The following PRUNE2 variants were observed in gnomAD, a reference collection of about 807,000 sequenced individuals.
The protein encoded by PRUNE2 is prune homolog 2 with BCH domain, also known as protein prune homolog 2.
PRUNE2 carries 164 observed loss-of-function variants against 252.0 expected under a neutral mutation model. That is an observed-to-expected ratio of 0.65 (90% confidence interval 0.57 to 0.74). The LOEUF (loss-of-function observed/expected upper bound fraction) is 0.74. Ranked by LOEUF, PRUNE2 falls within the 30% of genes least tolerant of loss-of-function variation. PRUNE2 has a pLI of 0.00. For missense variants in PRUNE2, 3,495 were observed against 3,711.0 expected (o/e 0.94, Z 1.51); for synonymous variants, 1,292 against 1,350.2 (o/e 0.96, Z 0.94).
intron 9 of PRUNE2, among the ~76,000 whole-genome samples, chr9:76,671,003 C>G (rs920573988): frequency 4.5e-4 from 68 of 152,224 alleles, no homozygotes; most frequent in Non-Finnish European, 8.2e-4. Flanking sequence ...CGCCTCTCCT[C>G]CTCCAAAGGA....
chr9:76,898,006 A>G (rs1214896205), intron 1 of PRUNE2, among the ~76,000 whole-genome samples: 1 of 152,164 alleles, frequency 6.6e-6, no homozygotes, highest in African/African-American at 2.4e-5. Flanking sequence ...CACATGCAGC[A>G]GCCCTGTGAG....
intron 9 of PRUNE2, among the ~76,000 whole-genome samples, chr9:76,656,558 G>A (rs1359256069): frequency 6.6e-6 from 1 of 152,076 alleles, no homozygotes; most frequent in Non-Finnish European, 1.5e-5. Context: ...TGTCAATAAA[G>A]CACTATGATG....
chr9:76,730,640 G>T (rs948062942), intron 6 of PRUNE2, among the ~76,000 whole-genome samples: 1 of 152,194 alleles, frequency 6.6e-6, no homozygotes, highest in Non-Finnish European at 1.5e-5. Flanking sequence ...GGTGGCTCAC[G>T]CCTGTAATCC....
chr9:76,660,557 G>A (rs1850906719), intron 9 of PRUNE2, among the ~76,000 whole-genome samples: 1 of 152,030 alleles, frequency 6.6e-6, no homozygotes, highest in Non-Finnish European at 1.5e-5. Context: ...GCCGAGGCAG[G>A]TGGATCATGA....
At chr9:76,617,104 A>C (rs1830100138) in intron 18 of PRUNE2, among the ~76,000 whole-genome samples, 1 of 152,212 alleles carries the variant, frequency 6.6e-6, no homozygotes, top group African/African-American at 2.4e-5. Flanking sequence ...CCTGAGACAG[A>C]GCAACCTTCT....
rs776802955 is a variant in PRUNE2, at chr9:76,709,716, G to A, written c.2558C>T (p.Pro853Leu). ...FSSSELLDNS[P>L]SEINNEAAPE... is the part of the protein sequence containing the mutation. ...AGCTGCTTCATTGTTTATCTCACTG[G>A]GTGAATTGTCCAGTAGTTCTGAAGA... The change falls in exon 8 of 19, where the codon CCC becomes CTC. Residue 853 changes from proline (P) to leucine (L), a missense_variant. Physicochemically the swap from Pro to Leu is moderately conservative, Grantham distance 98 (BLOSUM62 -3). Coordinates refer to ENST00000376718, the MANE Select transcript of PRUNE2 (RefSeq NM_015225.3). 3 of 1,613,878 alleles carry A rather than the reference G, an allele frequency of 1.9e-6. No homozygotes were observed. Among genetic ancestry groups the A allele is most frequent in the Admixed American group, 1.7e-5 (1 of 60,026 alleles).
At chr9:76,744,639 T>C (rs2049943826) in intron 6 of PRUNE2, among the ~76,000 whole-genome samples, 1 of 152,172 alleles carries the variant, frequency 6.6e-6, no homozygotes, top group Admixed American at 6.5e-5. Context: ...CTTGCTGAGT[T>C]CCCACATGTT....
intron 1 of PRUNE2, chr9:76,857,205 C>A: frequency 2.2e-6 from 1 of 451,022 alleles, no homozygotes; most frequent in Non-Finnish European, 4.5e-6. Flanking sequence ...TCAGCACTCT[C>A]TTTCCCCCTC....
intron 13 of PRUNE2, 43 bp from the exon 14 acceptor site, chr9:76,637,592 C>A (rs759673533): frequency 6.4e-7 from 1 of 1,566,766 alleles, no homozygotes; most frequent in Non-Finnish European, 8.7e-7. Context: ...TTCCCACATC[C>A]TATTGACACC....
At chr9:76,702,412 A>T (rs1222187072) in intron 9 of PRUNE2, among the ~76,000 whole-genome samples, 1 of 152,148 alleles carries the variant, frequency 6.6e-6, no homozygotes, top group Admixed American at 6.5e-5. Context: ...CCCGTTACTT[A>T]AGTTACTTTT....
intron 6 of PRUNE2, among the ~76,000 whole-genome samples, chr9:76,715,587 T>G (rs534602039): frequency 6.6e-6 from 1 of 152,390 alleles, no homozygotes; most frequent in South Asian, 2.1e-4. Flanking sequence ...ATAAGTCATA[T>G]GCGTTTGGAA....
chr9:76,685,700 C>G (rs1244295126), intron 9 of PRUNE2, among the ~76,000 whole-genome samples: 1 of 152,114 alleles, frequency 6.6e-6, no homozygotes, highest in African/African-American at 2.4e-5. Context: ...CTAGCAATAC[C>G]TTGATCTCAG....
chr9:76,740,371 C>T (rs545034633), intron 6 of PRUNE2: 82 of 149,406 alleles, frequency 5.5e-4, no homozygotes, highest in African/African-American at 2.0e-3. Context: ...ATGGCGTGAA[C>T]CCGGGAGGTG....
Position 76,705,369 on chromosome 9 carries a change from C to G in PRUNE2, c.6905G>C (p.Ser2302Thr), listed in dbSNP as rs760068452. Residue 2302 changes from serine (S) to threonine (T), a missense_variant, in exon 8 of 19, where the codon AGT becomes ACT. Coordinates refer to ENST00000376718, the MANE Select transcript of PRUNE2 (RefSeq NM_015225.3). ...GTTGAGACCTGAGGCATCGCTGAAA[C>G]TGTGGTCAAAGGCAGCTTCGCTTAT... Reference protein sequence around the residue: ...LDISEAAFDHSFSDASGLNTS... With the variant: ...LDISEAAFDHTFSDASGLNTS... 6.2e-7 allele frequency: 1 copy of G among 1,614,026 alleles called. No individual in the cohort carries two copies. The highest frequency in any genetic ancestry group is 2.2e-5 in the East Asian group (1 of 44,878).
chr9:76,776,933 C>CAG (rs2053858183), intron 6 of PRUNE2, among the ~76,000 whole-genome samples: 4 of 143,034 alleles, frequency 2.8e-5, no homozygotes, highest in South Asian at 2.2e-4. Context: ...CACACACACA[C>CAG]ACACACACAC....
At chr9:76,734,379 A>G (rs1479283151) in intron 6 of PRUNE2, among the ~76,000 whole-genome samples, 4 of 152,208 alleles carry the variant, frequency 2.6e-5, no homozygotes, top group Non-Finnish European at 5.9e-5. Flanking sequence ...AGATGGTGAG[A>G]TAGTGAAGTC....
chr9:76,833,810 A>G (rs2058804364), intron 4 of PRUNE2, among the ~76,000 whole-genome samples: 1 of 151,292 alleles, frequency 6.6e-6, no homozygotes, highest in Non-Finnish European at 1.5e-5. Context: ...CAGAAAGCAG[A>G]CGTCACAGTT....
chr9:76,905,108 C>A (rs999282218), intron 1 of PRUNE2, among the ~76,000 whole-genome samples: 7 of 151,652 alleles, frequency 4.6e-5, no homozygotes, highest in African/African-American at 1.5e-4. Flanking sequence ...TTTTTTTCTG[C>A]CAAAACAGAA....
At chr9:76,765,575 A>C (rs1212698434) in intron 6 of PRUNE2, among the ~76,000 whole-genome samples, 1 of 152,200 alleles carries the variant, frequency 6.6e-6, no homozygotes. Flanking sequence ...TCTTTCTTGC[A>C]TAACTGAATG....
Sources: allele counts gnomAD v4.1 joint callset (sites outside exome capture counted in the v4.1 genomes callset), GRCh38; gene constraint gnomAD v4.1.1; transcripts MANE v1.5; gene names NCBI Gene and HGNC (gene_info 2026-07-23, HGNC 2026-07-21).